Variants in RDX observed in about 807,000 individuals in gnomAD.
RDX encodes deafness, autosomal recessive 24.
In RDX, 32 loss-of-function variants were observed where a neutral mutation model predicts 83.7. That is an observed-to-expected ratio of 0.38 (90% CI 0.29 to 0.51). The LOEUF is 0.51. Ranked by LOEUF, RDX falls within the 20% of genes least tolerant of loss-of-function variation. RDX has a pLI of 0.87. For synonymous variants in RDX, 229 were observed against 222.7 expected (o/e 1.03, Z -0.25); for missense variants, 600 against 689.9 (o/e 0.87, Z 1.46).
At position 110,220,130 on chromosome 11, in the gene RDX, T is replaced by C. The variant is rs200591751; in HGVS notation, c.1748+11743A>G. Among the ~76,000 whole-genome samples, 487 of 152,264 alleles carry C rather than the reference T, an allele frequency of 3.2e-3. 1 individual carries two copies. The highest frequency in any genetic ancestry group is 6.8e-3 in the Middle Eastern group (2 of 292). On this transcript the variant is annotated intron_variant, in intron 14 of 15. Transcript: ENST00000528498. ...AGGCCTGGCACACACTCAACAAACA[T>C]GGGGAGTGATACCTTCTAAGAGAAT...
intron 1 of RDX, among the ~76,000 whole-genome samples, chr11:110,281,544 C>G (rs1860761356): frequency 6.6e-6 from 1 of 151,578 alleles, no homozygotes; most frequent in Admixed American, 6.6e-5. Flanking sequence ...CCAGGCTGGT[C>G]TCAAACTCCT....
intron 1 of RDX, among the ~76,000 whole-genome samples, chr11:110,284,399 G>A (rs1214867202): frequency 1.3e-5 from 2 of 152,076 alleles, no homozygotes; most frequent in African/African-American, 4.8e-5. Context: ...CCAGGGTTGT[G>A]GGGGTTTTTT....
intron 1 of RDX, among the ~76,000 whole-genome samples, chr11:110,290,910 C>A (rs1254255368): frequency 6.6e-6 from 1 of 152,194 alleles, no homozygotes; most frequent in African/African-American, 2.4e-5. Flanking sequence ...CAACACTTTT[C>A]CTTTCATAAT....
At chr11:110,229,410 A>G (rs1320628484), downstream of RDX, 3 of 152,438 alleles carry the variant, frequency 2.0e-5, no homozygotes, top group Non-Finnish European at 4.4e-5. Flanking sequence ...GAAACATACA[A>G]AAAATCCATG....
chr11:110,223,677 T>C (rs764163426), intron 14 of RDX, among the ~76,000 whole-genome samples: 9 of 152,138 alleles, frequency 5.9e-5, no homozygotes, highest in Admixed American at 1.3e-4. Context: ...AGAGAAACAA[T>C]CAAAAGTAAG....
At chr11:110,218,888 G>A (rs1268972263) in intron 14 of RDX, among the ~76,000 whole-genome samples, 1 of 152,102 alleles carries the variant, frequency 6.6e-6, no homozygotes, top group Non-Finnish European at 1.5e-5. Flanking sequence ...CTATCCATTC[G>A]TTTATTAAAT....
At chr11:110,243,424 A>G (rs528969606) in intron 10 of RDX, among the ~76,000 whole-genome samples, 36 of 152,140 alleles carry the variant, frequency 2.4e-4, no homozygotes, top group Admixed American at 8.5e-4. Context: ...ACAGGAATAA[A>G]AACTGATCCA....
chr11:110,258,746 A>C (rs1280641445), intron 5 of RDX, among the ~76,000 whole-genome samples: 1 of 152,074 alleles, frequency 6.6e-6, no homozygotes. Context: ...TTGTTGTTTT[A>C]GGTAGGTAAT....
intron 14 of RDX, among the ~76,000 whole-genome samples, chr11:110,222,658 T>C (rs1864289148): frequency 6.6e-6 from 1 of 152,074 alleles, no homozygotes; most frequent in South Asian, 2.1e-4. Flanking sequence ...TAGCCAGGCA[T>C]GGTGGCGGAC....
intron 2 of RDX, among the ~76,000 whole-genome samples, chr11:110,276,615 ATGG>A (rs1223574247): frequency 1.3e-5 from 2 of 152,180 alleles, no homozygotes; most frequent in East Asian, 3.9e-4. Flanking sequence ...ATACATGACT[ATGG>A]TTTTCTCACT....
At chr11:110,287,341 CT>C (rs11360775) in intron 1 of RDX, 5,721 of 152,168 alleles carry the variant, frequency 0.038, 361 homozygotes, top group African/African-American at 0.13. Flanking sequence ...GATCCCATCT[CT>C]ATAAAAAATA....
intron 15 of RDX, among the ~76,000 whole-genome samples, chr11:110,179,538 C>T (rs184863753): frequency 2.6e-5 from 4 of 152,282 alleles, no homozygotes; most frequent in Admixed American, 6.5e-5. Flanking sequence ...TTCGGAAGGC[C>T]GAGGTGGGCA....
chr11:110,268,641 G>C (rs1366505561), intron 3 of RDX, among the ~76,000 whole-genome samples: 2 of 152,148 alleles, frequency 1.3e-5, no homozygotes, highest in Non-Finnish European at 2.9e-5. Flanking sequence ...AGTGGGCACA[G>C]GGGATAATAG....
At chr11:110,204,023 C>T (rs773128834) in intron 14 of RDX, among the ~76,000 whole-genome samples, 1 of 150,146 alleles carries the variant, frequency 6.7e-6, no homozygotes, top group Non-Finnish European at 1.5e-5. Context: ...GCCTGAGTGA[C>T]AGAGTGAGAC....
chr11:110,197,075 T>C (rs1034017156), intron 15 of RDX, among the ~76,000 whole-genome samples: 3 of 152,172 alleles, frequency 2.0e-5, no homozygotes, highest in African/African-American at 4.8e-5. Flanking sequence ...ACTTTTTGTA[T>C]TTTTTGGAGA....
chr11:110,246,602 C>T (rs990919873), intron 10 of RDX, among the ~76,000 whole-genome samples: 2 of 151,964 alleles, frequency 1.3e-5, no homozygotes, highest in African/African-American at 4.8e-5. Flanking sequence ...TGGCGAAACC[C>T]TCTCTCTACT....
At chr11:110,202,691 T>A (rs1356010343) in intron 14 of RDX, among the ~76,000 whole-genome samples, 1 of 150,990 alleles carries the variant, frequency 6.6e-6, no homozygotes, top group Admixed American at 6.6e-5. Context: ...GCAATCCTCC[T>A]GGGATTACAA....
chr11:110,266,224 T>C (rs529546384), intron 3 of RDX, among the ~76,000 whole-genome samples: 2 of 150,564 alleles, frequency 1.3e-5, no homozygotes, highest in East Asian at 1.9e-4. Flanking sequence ...TCCCAGCCAC[T>C]TGGGAGGCAG....
chr11:110,195,116 G>C (rs1364032011), intron 15 of RDX, among the ~76,000 whole-genome samples: 1 of 152,002 alleles, frequency 6.6e-6, no homozygotes, highest in Non-Finnish European at 1.5e-5. Flanking sequence ...TCAGCCTCCC[G>C]AGTAGCTGGG....
Sources: gnomAD v4.1 joint callset for allele counts (sites outside exome capture counted in the v4.1 genomes callset) on GRCh38, gnomAD v4.1.1 for gene constraint, MANE v1.5 for transcripts, NCBI Gene and HGNC (gene_info 2026-07-23, HGNC 2026-07-21) for gene names.